The following PICALM variants were observed in gnomAD, a reference collection of about 807,000 sequenced individuals.
The protein encoded by PICALM is phosphatidylinositol binding clathrin assembly protein, also known as phosphatidylinositol-binding clathrin assembly protein.
A neutral mutation model predicts 80.5 loss-of-function variants in PICALM; 40 were observed. The ratio of observed to expected loss-of-function variants is 0.50; its 90% CI spans 0.39 to 0.65. The LOEUF (loss-of-function observed/expected upper bound fraction) is 0.65, where lower values mean the gene tolerates loss of function less well. Among genes scored for constraint, PICALM ranks in the 30% least tolerant of loss-of-function variants. The probability of loss-of-function intolerance (pLI) is 0.00; values close to 1 mark genes in which losing one functional copy is unlikely to be tolerated. For missense variants in PICALM, 676 were observed against 778.9 expected (o/e 0.87, Z 1.57); for synonymous variants, 288 against 260.3 (o/e 1.11, Z -1.02).
At chr11:85,960,814 A>G (rs1346750653) in intron 19 of PICALM, 4 of 966,374 alleles carry the variant, frequency 4.1e-6, no homozygotes, top group Non-Finnish European at 5.5e-6. Flanking sequence ...GAAAGAAAAA[A>G]AGATCTCAGA....
chr11:86,034,212 T>C (rs139065036), intron 1 of PICALM, among the ~76,000 whole-genome samples: 15 of 152,274 alleles, frequency 9.9e-5, no homozygotes, highest in African/African-American at 3.4e-4. Context: ...TATACAAATA[T>C]GACAGGTGGG....
chr11:86,007,600 G>C lies in PICALM; in HGVS notation c.766-17C>G. 1.6e-6 allele frequency: 2 copies of C among 1,263,496 alleles called. No homozygotes were observed. Among genetic ancestry groups the C allele is most frequent in the Non-Finnish European group, 2.2e-6 (2 of 904,336 alleles). 78.3% of individuals were successfully genotyped at this position (1,263,496 alleles called of 1,614,324 possible). A position where few individuals can be genotyped will look rare whatever the true frequency, so the allele number is the denominator to read the frequency against. On this transcript the variant is annotated splice_polypyrimidine_tract_variant and intron_variant, in intron 7 of 19. Coordinates refer to ENST00000393346, the MANE Select transcript of PICALM (RefSeq NM_007166.4). ...TCCAACTTGCTGTAAGAAAAGCATT[G>C]TATTTAATAAATTATAATAAAAATA...
chr11:85,977,754 T>A (rs1465697125), intron 17 of PICALM, among the ~76,000 whole-genome samples: 1 of 152,194 alleles, frequency 6.6e-6, no homozygotes. Flanking sequence ...TTTTAAACAT[T>A]ACCACAATCA....
At chr11:86,040,382 T>C (rs1055059979) in intron 1 of PICALM, among the ~76,000 whole-genome samples, 39 of 152,276 alleles carry the variant, frequency 2.6e-4, no homozygotes, top group African/African-American at 9.4e-4. Flanking sequence ...TTTATTTTTA[T>C]AGAGACGAGG....
chr11:86,062,125 G>A (rs936973459), intron 1 of PICALM, among the ~76,000 whole-genome samples: 1 of 152,058 alleles, frequency 6.6e-6, no homozygotes, highest in Non-Finnish European at 1.5e-5. Flanking sequence ...GATGGCGAGG[G>A]GGAGCACAGA....
intron 19 of PICALM, chr11:85,960,841 G>C (rs377522385): frequency 9.0e-6 from 6 of 670,224 alleles, no homozygotes; most frequent in East Asian, 5.9e-5. Flanking sequence ...GAACATGAAA[G>C]CAGAAAATGT....
At chr11:85,960,817 A>G in intron 19 of PICALM, 1 of 945,348 alleles carries the variant, frequency 1.1e-6, no homozygotes, top group Non-Finnish European at 1.4e-6. Flanking sequence ...AGAAAAAAAG[A>G]TCTCAGAATG....
At chr11:86,005,132 A>C (rs1037932131) in intron 8 of PICALM, among the ~76,000 whole-genome samples, 1 of 152,220 alleles carries the variant, frequency 6.6e-6, no homozygotes, top group African/African-American at 2.4e-5. Flanking sequence ...AAGATTAAGT[A>C]ATCTGTCCAA....
At chr11:86,016,340 C>A (rs2095481114) in intron 4 of PICALM, among the ~76,000 whole-genome samples, 1 of 152,178 alleles carries the variant, frequency 6.6e-6, no homozygotes, top group African/African-American at 2.4e-5. Flanking sequence ...AATTCAGACA[C>A]CTTATTCTGT....
intron 8 of PICALM, chr11:86,007,228 A>G (rs575733444): frequency 5.8e-6 from 1 of 173,644 alleles, no homozygotes; most frequent in South Asian, 1.4e-4. Flanking sequence ...TTGTTTTTCT[A>G]AATATCATTT....
chr11:86,015,888 G>A (rs997408392), intron 4 of PICALM, among the ~76,000 whole-genome samples: 2 of 152,110 alleles, frequency 1.3e-5, no homozygotes, highest in South Asian at 2.1e-4. Context: ...GACCTCAGAC[G>A]CCAAAAAACA....
At chr11:86,030,426 C>A (rs1017219025) in intron 2 of PICALM, among the ~76,000 whole-genome samples, 1 of 152,162 alleles carries the variant, frequency 6.6e-6, no homozygotes, top group African/African-American at 2.4e-5. Flanking sequence ...AAACTAATAC[C>A]AATGACTAAA....
chr11:86,031,685 A>C, intron 1 of PICALM, 74 bp from the exon 2 acceptor site: 1 of 1,051,558 alleles, frequency 9.5e-7, no homozygotes, highest in Admixed American at 2.3e-5. Context: ...ATCTGCATAC[A>C]AACAGGCAAA....
At chr11:86,048,873 A>T (rs1282071033) in intron 1 of PICALM, among the ~76,000 whole-genome samples, 1 of 151,966 alleles carries the variant, frequency 6.6e-6, no homozygotes, top group Non-Finnish European at 1.5e-5. Context: ...ACTGCCTGCT[A>T]AACTGTAACT....
chr11:86,022,153 A>G (rs1023062666), intron 4 of PICALM, among the ~76,000 whole-genome samples: 2 of 152,198 alleles, frequency 1.3e-5, no homozygotes, highest in African/African-American at 4.8e-5. Context: ...AAAATGATAA[A>G]TTTTGTTATG....
chr11:85,964,825 T>C (rs2093820192), intron 19 of PICALM, among the ~76,000 whole-genome samples: 1 of 152,262 alleles, frequency 6.6e-6, no homozygotes, highest in Non-Finnish European at 1.5e-5. Flanking sequence ...TTACACATTG[T>C]AAGAATTCTA....
intron 2 of PICALM, among the ~76,000 whole-genome samples, chr11:86,027,502 T>C (rs1014574582): frequency 6.9e-6 from 1 of 144,670 alleles, no homozygotes; most frequent in Non-Finnish European, 1.5e-5. Context: ...AAATCAGTAT[T>C]TTTTTTTTTT....
At chr11:85,992,653 G>C (rs761939151) in intron 12 of PICALM, among the ~76,000 whole-genome samples, 1 of 152,064 alleles carries the variant, frequency 6.6e-6, no homozygotes, top group Non-Finnish European at 1.5e-5. Flanking sequence ...ATTATATTTT[G>C]TCAGACAAGT....
intron 18 of PICALM, 49 bp downstream of exon 18, chr11:85,976,574 T>C (rs1565250538): frequency 9.2e-7 from 1 of 1,083,066 alleles, no homozygotes; most frequent in Non-Finnish European, 1.4e-6. Flanking sequence ...AAACATGTTA[T>C]ATATGAATCA....
Sources: gnomAD v4.1 joint callset for allele counts (sites outside exome capture counted in the v4.1 genomes callset) on GRCh38, gnomAD v4.1.1 for gene constraint, MANE v1.5 for transcripts, NCBI Gene and HGNC (gene_info 2026-07-23, HGNC 2026-07-21) for gene names.